Variants in RNF43 observed in about 807,000 individuals in gnomAD.
The protein encoded by RNF43 is E3 ubiquitin-protein ligase RNF43.
RNF43 carries 37 observed loss-of-function variants against 78.4 expected under a neutral mutation model. That is an observed-to-expected ratio of 0.47 (90% CI 0.36 to 0.62). The LOEUF is 0.62. Among genes scored for constraint, RNF43 ranks in the 20% least tolerant of loss-of-function variants. RNF43 has a pLI of 0.00. For synonymous variants in RNF43, 347 were observed against 395.0 expected, an observed-to-expected ratio of 0.88 and a Z score of 1.44; for missense variants, 774 against 1,007.9, an observed-to-expected ratio of 0.77 and a Z score of 3.14.
chr17:58,402,317 T>C (rs546586865), intron 2 of RNF43, among the ~76,000 whole-genome samples: 5 of 152,342 alleles, frequency 3.3e-5, no homozygotes, highest in Admixed American at 2.0e-4. Context: ...TAGGAAGAGA[T>C]TGGAAATCTT....
At position 58,363,352 on chromosome 17, in the gene RNF43, C is replaced by A. The variant is rs779337229; in HGVS notation, c.505G>T (p.Ala169Ser). The A allele has an allele frequency of 5.0e-6, 8 of 1,614,156 alleles. No individual in the cohort carries two copies. Among genetic ancestry groups the A allele is most frequent in the Non-Finnish European group, 6.8e-6 (8 of 1,180,030 alleles). The change falls in exon 5 of 10, where the codon GCT becomes TCT. Residue 169 changes from alanine (A) to serine (S), a missense_variant. By Grantham distance (99) the Ala-to-Ser change is moderately conservative. Coordinates refer to ENST00000407977, the MANE Select transcript of RNF43 (RefSeq NM_017763.6). The part of the protein sequence containing the change: ...WPVVLIWGND[A>S]EKLMEFVYKN... ...TACACAAACTCCATCAGCTTCTCAG[C>A]GTCATTACCCCAGATCAACACCACT...
chr17:58,362,181 T>C, intron 6 of RNF43, among the ~76,000 whole-genome samples: 1 of 152,182 alleles, frequency 6.6e-6, no homozygotes, highest in East Asian at 1.9e-4. Context: ...TTTTTCTCCG[T>C]AGTACATATC....
rs755257548 is a variant in RNF43 at position 58,358,324 on chromosome 17, G to A, written c.1452C>T (p.Asp484=). The A allele has an allele frequency of 2.5e-6, 4 of 1,614,078 alleles. No homozygotes were observed. The highest frequency in any genetic ancestry group is 2.2e-5 in the South Asian group (2 of 91,086). The change falls in exon 9 of 10, where the codon GAC becomes GAT. Residue 484 remains aspartate (D), a synonymous_variant. Coordinates refer to ENST00000407977, the MANE Select transcript of RNF43 (RefSeq NM_017763.6). The surrounding 1 kb of genome is among the most constrained non-coding windows in gnomAD (Gnocchi z 6.2). ...SSSDSVVNCT[D]ISLQGVHGSS... is the part of the protein sequence containing the mutation. The stretch of plus-strand genomic sequence containing the variant: ...TGCCATGGACCCCCTGTAGGCTGAT[G>A]TCCGTGCAGTTGACCACAGAGTCAC...
intron 2 of RNF43, among the ~76,000 whole-genome samples, chr17:58,400,120 C>T (rs764092561): frequency 2.6e-5 from 4 of 152,142 alleles, no homozygotes; most frequent in Non-Finnish European, 5.9e-5. Context: ...CAGTACGGAA[C>T]AGGCACACAT....
intron 2 of RNF43, among the ~76,000 whole-genome samples, chr17:58,381,000 G>A (rs1323153053): frequency 6.6e-6 from 1 of 152,184 alleles, no homozygotes; most frequent in African/African-American, 2.4e-5. Flanking sequence ...AATGCAAGTG[G>A]GGATGGAATG....
chr17:58,369,174 C>T (rs112024016), intron 3 of RNF43, among the ~76,000 whole-genome samples: 5,541 of 152,258 alleles, frequency 0.036, 164 homozygotes, highest in Non-Finnish European at 0.059. Context: ...GTGACATTTG[C>T]CCATATTTTG....
chr17:58,390,545 AC>A (rs1567889770), intron 2 of RNF43, among the ~76,000 whole-genome samples: 1 of 152,212 alleles, frequency 6.6e-6, no homozygotes, highest in Non-Finnish European at 1.5e-5. Flanking sequence ...CCTAATCTAC[AC>A]TGTTTCAGTA....
intron 3 of RNF43, among the ~76,000 whole-genome samples, chr17:58,370,060 GTTTTTTTTTTTT>G (rs56372311): frequency 0.24 from 23,500 of 96,468 alleles, 2,324 homozygotes; most frequent in East Asian, 0.38. Flanking sequence ...GAAAATCTGA[GTTTTTTTTTTTT>G]TTTTTTTTTT....
In RNF43 at chr17:58,370,132, G is replaced by A. The variant is rs374710497; in HGVS notation, c.375+779C>T. Among the ~76,000 whole-genome samples the A allele has an allele frequency of 1.9e-4, 26 of 139,530 alleles. No individual in the cohort carries two copies. The East Asian group carries it at 3.8e-3, about 20-fold the overall frequency. 91.5% of individuals were successfully genotyped at this position (139,530 alleles called of 152,430 possible). A position where few individuals can be genotyped will look rare whatever the true frequency, so the allele number is the denominator to read the frequency against. The stretch of plus-strand genomic sequence containing the variant: ...CACCCAGGCTGGAGTGCAGTGGCAC[G>A]ATCTCGGCTCACTGCAAGCTCCACC... On this transcript the variant is annotated intron_variant, in intron 3 of 9. Coordinates refer to ENST00000407977, the MANE Select transcript of RNF43 (RefSeq NM_017763.6).
In RNF43 at chr17:58,415,810, G is replaced by T. The variant is rs894367011; in HGVS notation, c.-233C>A. ...TTCAGCCCACATCTGCTGCAGGTAT[G>T]TCATTTTCTCCCATCTTCACTGTGA... On this transcript the variant is annotated 5_prime_UTR_variant, in exon 2 of 10. Transcript: ENST00000407977. The T allele has an allele frequency of 3.5e-6, 2 of 569,666 alleles. No individual in the cohort carries two copies. Among genetic ancestry groups the T allele is most frequent in the Non-Finnish European group, 6.3e-6 (2 of 319,468 alleles). The allele number at this position is 569,666 out of a possible 1,614,324, so 35.3% of individuals were successfully genotyped here. A position where few individuals can be genotyped will look rare whatever the true frequency, so the allele number is the denominator to read the frequency against.
chr17:58,405,700 CAGAAAGAAAGAAAGAA>C (rs199880674), intron 2 of RNF43, among the ~76,000 whole-genome samples: 1,245 of 110,248 alleles, frequency 0.011, 19 homozygotes, highest in East Asian at 0.044. Context: ...TCTCTAATGA[CAGAAAGAAAGAAAGAA>C]AGAAAGAAAG....
At chr17:58,406,624 C>G (rs989290833) in intron 2 of RNF43, among the ~76,000 whole-genome samples, 45 of 151,836 alleles carry the variant, frequency 3.0e-4, no homozygotes, top group African/African-American at 1.1e-3. Context: ...AATATAATTC[C>G]AGGTAGAAGA....
chr17:58,379,990 C>T (rs1015025600), intron 2 of RNF43, among the ~76,000 whole-genome samples: 1 of 152,194 alleles, frequency 6.6e-6, no homozygotes, highest in Non-Finnish European at 1.5e-5. Context: ...TTAGTTACAT[C>T]AGGGATCTTT....
At chr17:58,403,021 G>T (rs571432913) in intron 2 of RNF43, among the ~76,000 whole-genome samples, 83 of 152,196 alleles carry the variant, frequency 5.5e-4, no homozygotes, top group Non-Finnish European at 9.3e-4. Context: ...GTAGGTTGTT[G>T]TTTCGAGTTT....
chr17:58,384,087 C>G (rs1345054596), intron 2 of RNF43, among the ~76,000 whole-genome samples: 2 of 152,232 alleles, frequency 1.3e-5, no homozygotes, highest in Non-Finnish European at 2.9e-5. Flanking sequence ...TCCAGACATC[C>G]TTTGACTTGC....
chr17:58,355,389 T>C (rs1458183428), intron 9 of RNF43, among the ~76,000 whole-genome samples: 1 of 152,046 alleles, frequency 6.6e-6, no homozygotes, highest in Non-Finnish European at 1.5e-5. Context: ...TCACGAGAGA[T>C]GCATTAAGGA....
intron 9 of RNF43, chr17:58,356,886 CTTTTT>C (rs150378896): frequency 3.3e-4 from 48 of 144,046 alleles, no homozygotes; most frequent in South Asian, 9.4e-4. Flanking sequence ...CCAAATGCCT[CTTTTT>C]TTTTTTTTTT....
chr17:58,369,122 C>T (rs1281155349), intron 3 of RNF43, among the ~76,000 whole-genome samples: 2 of 152,110 alleles, frequency 1.3e-5, no homozygotes, highest in South Asian at 4.1e-4. Flanking sequence ...CTATGTAATG[C>T]AGTACAGGCA....
At position 58,358,866 on chromosome 17, in the gene RNF43, C is replaced by G. The variant is rs2143429757; in HGVS notation, c.953-43G>C. On this transcript the variant is annotated intron_variant, in intron 8 of 9. Transcript: ENST00000407977. This position sits in a 1 kb window ranked among gnomAD's most constrained non-coding sequence, Gnocchi z 6.2. The stretch of plus-strand genomic sequence containing the variant: ...GAGCACAGATGTTTAACTCTACAAA[C>G]CTACAGAGAATGCATTCAGAAAGAC... The G allele has an allele frequency of 4.9e-5, 70 of 1,439,702 alleles. No homozygotes were observed. Among genetic ancestry groups the G allele is most frequent in the Non-Finnish European group, 6.3e-5 (69 of 1,098,804 alleles). The allele number at this position is 1,439,702 out of a possible 1,614,324, so 89.2% of individuals were successfully genotyped here.
Sources: allele counts gnomAD v4.1 joint callset (sites outside exome capture counted in the v4.1 genomes callset), GRCh38; gene constraint gnomAD v4.1.1; non-coding constraint Gnocchi (gnomAD v3.1); transcripts MANE v1.5; gene names NCBI Gene and HGNC (gene_info 2026-07-23, HGNC 2026-07-21).